The following PIP5KL1 variants were observed in gnomAD, a reference collection of about 807,000 sequenced individuals.
PIP5KL1 encodes the protein phosphatidylinositol-4-phosphate 5-kinase like 1.
Under a neutral mutation model 47.6 loss-of-function variants are expected in PIP5KL1, and 45 were observed. That is an observed-to-expected ratio of 0.94 (90% confidence interval 0.74 to 1.21). The LOEUF (loss-of-function observed/expected upper bound fraction) is 1.21. Among genes scored for constraint, PIP5KL1 ranks in the 50% most tolerant of loss-of-function variants. PIP5KL1 has a pLI of 0.00. For missense variants in PIP5KL1, 577 were observed against 547.6 expected (o/e 1.05, Z -0.54); for synonymous variants, 256 against 234.6 (o/e 1.09, Z -0.84).
At chr9:127,928,616 G>A in intron 2 of PIP5KL1, 133 bp from the exon 3 acceptor site, 1 of 968,556 alleles carries the variant, frequency 1.0e-6, no homozygotes, top group Non-Finnish European at 1.5e-6. Flanking sequence ...CGGGACCGGA[G>A]TTTCTGAGAG....
chr9:127,922,152 C>A (rs1359035914), intron 9 of PIP5KL1, 38 bp from the exon 10 acceptor site: 23 of 1,453,342 alleles, frequency 1.6e-5, no homozygotes, highest in Non-Finnish European at 1.7e-5. Context: ...CCAGCTCCTC[C>A]AGGAAGCCCC....
intron 1 of PIP5KL1, among the ~76,000 whole-genome samples, chr9:127,930,288 C>G (rs76064282): frequency 1.1e-4 from 17 of 152,158 alleles, no homozygotes; most frequent in Admixed American, 3.3e-4. Context: ...GCTCCTTGCA[C>G]GGGAGCCCTT....
chr9:127,930,576 C>T, intron 1 of PIP5KL1, 147 bp downstream of exon 1: 1 of 993,298 alleles, frequency 1.0e-6, no homozygotes, highest in Non-Finnish European at 1.4e-6. Context: ...TACCTGGCGC[C>T]CCGTGTGGGG....
chr9:127,922,017 C>A lies in PIP5KL1; in HGVS notation c.1015G>T (p.Glu339Ter). The change falls in exon 10 of 10, where the codon GAG (glutamate) becomes TAG (stop). Residue 339 changes from glutamate (E) to a stop codon, truncating the protein, a stop_gained. Coordinates refer to ENST00000388747, the MANE Select transcript of PIP5KL1 (RefSeq NM_001135219.2). LOFTEE classifies it high-confidence loss of function. ...ACGACGCCCAGGAAATAGCGCTGCT[C>A]GGGCCCGTCCAGGATGTGTAGGGCG... ...PNALHILDGP[E>*]QRYFLGVVDL... 6.3e-7 allele frequency: 1 copy of A among 1,575,062 alleles called. No individual in the cohort carries two copies. The highest frequency in any genetic ancestry group is 1.2e-5 in the South Asian group (1 of 86,286).
At position 127,925,878 on chromosome 9, in the gene PIP5KL1, G is replaced by T. The variant is rs1831354518; in HGVS notation, c.752C>A (p.Thr251Asn). The change falls in exon 8 of 10, where the codon ACC becomes AAC. Residue 251 changes from threonine to asparagine, a missense_variant. By Grantham distance (65) the Thr-to-Asn change is moderately conservative. Coordinates refer to ENST00000388747, the MANE Select transcript of PIP5KL1 (RefSeq NM_001135219.2). The part of the protein sequence containing the change: ...VLKDLNFQGK[T>N]INLGPQRSWF... The stretch of plus-strand genomic sequence containing the variant: ...CCCCCGTGGCTCACCCAGGTTGATG[G>T]TCTTGCCCTGAAAGTTGAGGTCCTT... The T allele has an allele frequency of 6.2e-7, 1 of 1,613,908 alleles. No individual in the cohort carries two copies. Among genetic ancestry groups the T allele is most frequent in the African/African-American group, 1.3e-5 (1 of 74,936 alleles).
At chr9:127,922,490 A>G (rs1055937459) in intron 9 of PIP5KL1, among the ~76,000 whole-genome samples, 3 of 152,106 alleles carry the variant, frequency 2.0e-5, no homozygotes, top group Non-Finnish European at 4.4e-5. Context: ...CTGAGGTCAG[A>G]AGTCGGAGAC....
Position 127,928,495 on chromosome 9 carries a change from G to A in PIP5KL1, c.229-12C>T. 1.9e-6 allele frequency: 3 copies of A among 1,584,044 alleles called. No homozygotes were observed. Among genetic ancestry groups the A allele is most frequent in the South Asian group, 1.2e-5 (1 of 86,138 alleles). ...CGGGAGGGCGGCCCCTGCAGGGAGA[G>A]GTAGAGGAGCTCAGGGCAACCCTCA... On this transcript the variant is annotated splice_polypyrimidine_tract_variant and intron_variant, in intron 2 of 9. Transcript: ENST00000388747.
chr9:127,921,985 G>A lies in PIP5KL1; in HGVS notation c.1047C>T (p.Leu349=), dbSNP rs768636550. 1.9e-6 allele frequency: 3 copies of A among 1,577,530 alleles called. No homozygotes were observed. Among genetic ancestry groups the A allele is most frequent in the South Asian group, 2.3e-5 (2 of 86,544 alleles). The part of the protein sequence containing the change: ...EQRYFLGVVD[L]ATVYGLRKRL... ...GCTTGCGGAGCCCGTAGACTGTGGC[G>A]AGATCCACGACGCCCAGGAAATAGC... Residue 349 remains leucine (L), a synonymous_variant, in exon 10 of 10, where the codon CTC becomes CTT. Coordinates refer to ENST00000388747, the MANE Select transcript of PIP5KL1 (RefSeq NM_001135219.2).
rs1054301697 is a variant in PIP5KL1 at position 127,929,211 on chromosome 9, G to GCA, written c.228+475_228+476dup. Among the ~76,000 whole-genome samples the GCA allele has an allele frequency of 6.6e-6, 1 of 152,112 alleles. No individual in the cohort carries two copies. The highest frequency in any genetic ancestry group is 1.5e-5 in the Non-Finnish European group (1 of 68,010). The stretch of plus-strand genomic sequence containing the variant: ...GAATGTGGTCCCACTGCGCACACAT[G>GCA]CACACACACGAACACCACACACATG... On this transcript the variant is annotated intron_variant, in intron 2 of 9. Transcript: ENST00000388747. The surrounding 1 kb of genome is among the most constrained non-coding windows in gnomAD (Gnocchi z 4.0).
chr9:127,923,507 C>T (rs1464121837), intron 9 of PIP5KL1, among the ~76,000 whole-genome samples: 1 of 152,248 alleles, frequency 6.6e-6, no homozygotes, highest in African/African-American at 2.4e-5. Flanking sequence ...TAAGTACCAG[C>T]TAGGGGGAGA....
intron 7 of PIP5KL1, among the ~76,000 whole-genome samples, chr9:127,926,807 A>G (rs988168162): frequency 2.0e-5 from 3 of 152,224 alleles, no homozygotes; most frequent in Admixed American, 1.3e-4. Context: ...TGGAGGGCAC[A>G]GGGGGTTACG....
chr9:127,926,508 T>C (rs1343380178), intron 7 of PIP5KL1, among the ~76,000 whole-genome samples: 1 of 152,238 alleles, frequency 6.6e-6, no homozygotes, highest in Admixed American at 6.5e-5. Flanking sequence ...CCTCCTGCCT[T>C]GGCCTCCAAA....
Position 127,927,935 on chromosome 9 carries a change from C to A in PIP5KL1, c.434+130G>T. 6.9e-7 allele frequency: 1 copy of A among 1,446,318 alleles called. No homozygotes were observed. The highest frequency in any genetic ancestry group is 9.2e-7 in the Non-Finnish European group (1 of 1,089,130). The allele number at this position is 1,446,318 out of a possible 1,614,324, so 89.6% of individuals were successfully genotyped here. A position where few individuals can be genotyped will look rare whatever the true frequency, so the allele number is the denominator to read the frequency against. On this transcript the variant is annotated intron_variant, in intron 4 of 9. Transcript: ENST00000388747. This position sits in a 1 kb window ranked among gnomAD's most constrained non-coding sequence, Gnocchi z 5.5. ...TCTCCTCCCCGATCTGTCCACCATC[C>A]GGCCCTGACCCTCCCAGATTAGGGC...
rs547403774 is a variant in PIP5KL1, at chr9:127,927,197, G to A, written c.606C>T (p.Ile202=). The stretch of plus-strand genomic sequence containing the variant: ...CGGGGTAGAAGACGCTCTGCATGAC[G>A]ATGAAGTACGTCTGGGGGCCGGGAC... ...RVDRGKKTYF[I]VMQSVFYPAG... Residue 202 remains isoleucine (I), a synonymous_variant, in exon 7 of 10, where the codon ATC becomes ATT. Coordinates refer to ENST00000388747, the MANE Select transcript of PIP5KL1 (RefSeq NM_001135219.2). The surrounding 1 kb of genome is among the most constrained non-coding windows in gnomAD (Gnocchi z 5.5). The A allele has an allele frequency of 1.9e-5, 30 of 1,613,144 alleles. No individual in the cohort carries two copies. The Admixed American group carries it at 2.5e-4, about 13-fold the overall frequency.
Position 127,928,268 on chromosome 9 carries a change from G to A in PIP5KL1, c.280-49C>T, listed in dbSNP as rs770290263. 6 of 1,530,906 alleles carry A rather than the reference G, an allele frequency of 3.9e-6. No homozygotes were observed. The South Asian group carries it at 7.3e-5, about 19-fold the overall frequency. 94.8% of individuals were successfully genotyped at this position (1,530,906 alleles called of 1,614,324 possible). A position where few individuals can be genotyped will look rare whatever the true frequency, so the allele number is the denominator to read the frequency against. On this transcript the variant is annotated intron_variant, in intron 3 of 9. Transcript: ENST00000388747. Reference sequence around the variant, plus strand: ...CTGGAGTGTCTGCGTGGGCCCGGGTGTGTGCAGTTGGTCCTGGGACAGGAG... The same window carrying A: ...CTGGAGTGTCTGCGTGGGCCCGGGTATGTGCAGTTGGTCCTGGGACAGGAG...
Position 127,929,863 on chromosome 9 carries a change from G to A in PIP5KL1, c.53C>T (p.Ala18Val). The stretch of plus-strand genomic sequence containing the variant: ...GCTGGAGGTGACTGCTCTGCATCCA[G>A]CCTCAGGGGAGGGGGCCAGGACCTG... ...PREVLAPSPE[A>V]GCRAVTSSRR... The change falls in exon 2 of 10, where the codon GCT (alanine) becomes GTT (valine). Residue 18 changes from alanine (A) to valine (V), a missense_variant. Physicochemically the swap from Ala to Val is moderately conservative, Grantham distance 64. Transcript: ENST00000388747. This position sits in a 1 kb window ranked among gnomAD's most constrained non-coding sequence, Gnocchi z 4.0. 1.3e-6 allele frequency: 2 copies of A among 1,539,060 alleles called. No homozygotes were observed. The highest frequency in any genetic ancestry group is 1.8e-6 in the Non-Finnish European group (2 of 1,142,832).
Position 127,929,692 on chromosome 9 carries a change from G to GGTGGGTGGT in PIP5KL1, c.215_223dup (p.Pro74_Pro75insHisHisPro). 6.4e-7 allele frequency: 1 copy of GGTGGGTGGT among 1,563,148 alleles called. No homozygotes were observed. Among genetic ancestry groups the GGTGGGTGGT allele is most frequent in the Non-Finnish European group, 8.7e-7 (1 of 1,149,084 alleles). On this transcript the variant is annotated inframe_insertion, in exon 2 of 10. Coordinates refer to ENST00000388747, the MANE Select transcript of PIP5KL1 (RefSeq NM_001135219.2). The surrounding 1 kb of genome is among the most constrained non-coding windows in gnomAD (Gnocchi z 4.0). ...TGGGACAGATGGGCCACTCACCGTG[G>GGTGGGTGGT]GTGGGTGGTCCATGGAGACCTGGGT...
At chr9:127,926,064 C>T (rs1831357323) in intron 7 of PIP5KL1, 85 bp from the exon 8 acceptor site, 1 of 873,806 alleles carries the variant, frequency 1.1e-6, no homozygotes, top group African/African-American at 1.7e-5. Flanking sequence ...TACTTATGTG[C>T]ACTGAACTAT....
chr9:127,928,390 G>C (rs761334381), intron 3 of PIP5KL1, 43 bp downstream of exon 3: 2 of 1,573,470 alleles, frequency 1.3e-6, no homozygotes, highest in Non-Finnish European at 1.7e-6. Context: ...GAGAGAGCAA[G>C]ACCAGCACAC....
Sources: gnomAD v4.1 joint callset for allele counts (sites outside exome capture counted in the v4.1 genomes callset) on GRCh38, gnomAD v4.1.1 for gene constraint, Gnocchi (gnomAD v3.1) non-coding constraint, MANE v1.5 for transcripts, NCBI Gene and HGNC (gene_info 2026-07-23, HGNC 2026-07-21) for gene names.